ZNF407: variants seen among roughly 807,000 people sequenced by gnomAD.
The protein encoded by ZNF407 is zinc finger protein 407.
Under a neutral mutation model 131.2 loss-of-function variants are expected in ZNF407, and 17 were observed. The ratio of observed to expected loss-of-function variants is 0.13; its 90% CI spans 0.09 to 0.19. ZNF407 has a LOEUF of 0.19. Among genes scored for constraint, ZNF407 ranks in the 10% least tolerant of loss-of-function variants. The pLI, the probability that ZNF407 is intolerant of heterozygous loss-of-function variation, is 1.00. For synonymous variants in ZNF407, 1,156 were observed against 1,062.0 expected (o/e 1.09, Z -1.72); for missense variants, 2,681 against 2,830.6 (o/e 0.95, Z 1.20).
At position 74,676,460 on chromosome 18, in the gene ZNF407, G is replaced by A. The variant is rs533698679; in HGVS notation, c.4802+35338G>A. ...GCATTTTTTTTTTTTTTTTTGAGACGGAGTCTCGCTCTGTCACCCAGGCTG... is the reference window on the plus strand; with the variant it reads ...GCATTTTTTTTTTTTTTTTTGAGACAGAGTCTCGCTCTGTCACCCAGGCTG... On this transcript the variant is annotated intron_variant, in intron 3 of 8. Coordinates refer to ENST00000299687, the MANE Select transcript of ZNF407 (RefSeq NM_017757.3). Among the ~76,000 whole-genome samples, 19 of 141,978 alleles carry A rather than the reference G, an allele frequency of 1.3e-4. No individual in the cohort carries two copies. The East Asian group carries it at 1.6e-3, about 12-fold the overall frequency. The allele number at this position is 141,978 out of a possible 152,430, so 93.1% of individuals were successfully genotyped here.
chr18:75,021,208 A>T (rs763951277), intron 8 of ZNF407, among the ~76,000 whole-genome samples: 1 of 152,128 alleles, frequency 6.6e-6, no homozygotes, highest in Non-Finnish European at 1.5e-5. Flanking sequence ...CATTATATGT[A>T]ATCTATGAAT....
intron 7 of ZNF407, among the ~76,000 whole-genome samples, chr18:74,911,703 A>C (rs1421849548): frequency 6.6e-6 from 1 of 152,130 alleles, no homozygotes; most frequent in Non-Finnish European, 1.5e-5. Flanking sequence ...GAATCTTTGT[A>C]AGATTTACTA....
At chr18:74,629,680 G>A (rs553657642) in intron 1 of ZNF407, among the ~76,000 whole-genome samples, 22 of 152,166 alleles carry the variant, frequency 1.4e-4, no homozygotes, top group Admixed American at 5.9e-4. Context: ...ATTTGTCAAC[G>A]TTATGGAAAA....
chr18:74,898,765 CTTT>C (rs1241690858), intron 7 of ZNF407, among the ~76,000 whole-genome samples: 3 of 152,130 alleles, frequency 2.0e-5, no homozygotes, highest in Non-Finnish European at 4.4e-5. Context: ...TAAATTACAA[CTTT>C]TAACACATAC....
chr18:75,031,527 T>C (rs769074081), intron 8 of ZNF407, among the ~76,000 whole-genome samples: 1 of 152,242 alleles, frequency 6.6e-6, no homozygotes, highest in Non-Finnish European at 1.5e-5. Context: ...GGAGTTCTGA[T>C]CTTTAACAGC....
Position 74,688,800 on chromosome 18 carries a change from A to G in ZNF407, c.4802+47678A>G, listed in dbSNP as rs576943639. The stretch of plus-strand genomic sequence containing the variant: ...GCTTAGAGGGACTGACATCTTAACA[A>G]TATCAAATCTTTCAATCCATGAATG... On this transcript the variant is annotated intron_variant, in intron 3 of 8. Coordinates refer to ENST00000299687, the MANE Select transcript of ZNF407 (RefSeq NM_017757.3). Among the ~76,000 whole-genome samples the G allele has an allele frequency of 1.4e-3, 213 of 152,226 alleles. 1 individual carries two copies. The highest frequency in any genetic ancestry group is 4.7e-3 in the African/African-American group (195 of 41,532).
intron 4 of ZNF407, among the ~76,000 whole-genome samples, chr18:74,850,399 G>C (rs550374019): frequency 6.6e-6 from 1 of 152,176 alleles, no homozygotes; most frequent in East Asian, 1.9e-4. Flanking sequence ...TTGATGTCCA[G>C]GGTGTCATCT....
At chr18:74,965,727 A>C (rs1972401856) in intron 8 of ZNF407, among the ~76,000 whole-genome samples, 1 of 152,152 alleles carries the variant, frequency 6.6e-6, no homozygotes, top group South Asian at 2.1e-4. Context: ...TAGTTTCTTG[A>C]GGAAGTTCCA....
chr18:74,835,629 G>GTGTGTGT (rs1555693408), intron 4 of ZNF407, among the ~76,000 whole-genome samples: 66 of 92,142 alleles, frequency 7.2e-4, no homozygotes, highest in Non-Finnish European at 1.2e-3. Flanking sequence ...GACAGAGGGG[G>GTGTGTGT]GTGTGTGTGT....
intron 8 of ZNF407, among the ~76,000 whole-genome samples, chr18:75,014,980 G>A (rs1039167705): frequency 2.6e-5 from 4 of 151,946 alleles, no homozygotes; most frequent in African/African-American, 4.8e-5. Flanking sequence ...GGAAGTTGAT[G>A]GAACCTGAAT....
intron 3 of ZNF407, among the ~76,000 whole-genome samples, chr18:74,710,242 A>T (rs1240632545): frequency 6.6e-6 from 1 of 152,200 alleles, no homozygotes; most frequent in Non-Finnish European, 1.5e-5. Flanking sequence ...TATACAGATT[A>T]ATAGAAATTA....
intron 4 of ZNF407, among the ~76,000 whole-genome samples, chr18:74,873,005 T>C (rs895258698): frequency 6.6e-6 from 1 of 151,732 alleles, no homozygotes; most frequent in African/African-American, 2.4e-5. Flanking sequence ...GATACTTACC[T>C]TAGTAATGTG....
intron 3 of ZNF407, among the ~76,000 whole-genome samples, chr18:74,650,496 A>G (rs1985177472): frequency 6.6e-6 from 1 of 152,200 alleles, no homozygotes; most frequent in Non-Finnish European, 1.5e-5. Flanking sequence ...CAGACAAGTT[A>G]GGTTGATGAC....
chr18:74,833,247 A>G (rs1970509876), intron 4 of ZNF407, among the ~76,000 whole-genome samples: 1 of 152,250 alleles, frequency 6.6e-6, no homozygotes, highest in African/African-American at 2.4e-5. Flanking sequence ...TGAGCTTGGC[A>G]CCACTGTAGG....
intron 8 of ZNF407, among the ~76,000 whole-genome samples, chr18:75,012,316 T>TAGCA (rs1568300470): frequency 9.8e-6 from 1 of 101,804 alleles, no homozygotes; most frequent in Non-Finnish European, 2.2e-5. Flanking sequence ...ACATAGTGTA[T>TAGCA]GTACACATAG....
At chr18:74,662,329 ATAT>A (rs546904463) in intron 3 of ZNF407, among the ~76,000 whole-genome samples, 217 of 152,328 alleles carry the variant, frequency 1.4e-3, no homozygotes, top group African/African-American at 3.9e-3. Context: ...AGTAGACAAA[ATAT>A]TATAAGTGAT....
intron 1 of ZNF407, among the ~76,000 whole-genome samples, chr18:74,626,213 A>G (rs1311726011): frequency 6.6e-6 from 1 of 152,204 alleles, no homozygotes; most frequent in Non-Finnish European, 1.5e-5. Context: ...GACTGATATC[A>G]AGTGTTGGTG....
intron 1 of ZNF407, among the ~76,000 whole-genome samples, chr18:74,617,189 G>GCACC (rs1983352930): frequency 1.9e-4 from 4 of 21,262 alleles, no homozygotes; most frequent in South Asian, 1.5e-3. Context: ...CACACACATC[G>GCACC]ACACACTTTA....
intron 8 of ZNF407, among the ~76,000 whole-genome samples, chr18:74,957,956 C>T (rs1972295387): frequency 6.6e-6 from 1 of 152,074 alleles, no homozygotes; most frequent in Non-Finnish European, 1.5e-5. Flanking sequence ...TGTTACCTGG[C>T]AGAGGGACAC....
Sources: gnomAD v4.1 joint callset for allele counts (sites outside exome capture counted in the v4.1 genomes callset) on GRCh38, gnomAD v4.1.1 for gene constraint, MANE v1.5 for transcripts, NCBI Gene and HGNC (gene_info 2026-07-23, HGNC 2026-07-21) for gene names.